KIF1B: variants seen among roughly 807,000 people sequenced by gnomAD.
KIF1B encodes the protein kinesin family member 1B.
In KIF1B, 76 loss-of-function variants were observed where a neutral mutation model predicts 241.9. The ratio of observed to expected loss-of-function variants is 0.31; its 90% CI spans 0.26 to 0.38. The LOEUF (loss-of-function observed/expected upper bound fraction) is 0.38, where lower values mean the gene tolerates loss of function less well. KIF1B is among the 10% of genes least tolerant of loss of function. The probability of loss-of-function intolerance (pLI) is 1.00; values close to 1 mark genes in which losing one functional copy is unlikely to be tolerated. For missense variants in KIF1B, 1,622 were observed against 2,271.4 expected, an observed-to-expected ratio of 0.71 and a Z score of 5.81; for synonymous variants, 750 against 796.7, an observed-to-expected ratio of 0.94 and a Z score of 0.99.
At position 10,374,305 on chromosome 1, in the gene KIF1B, C is replaced by G. The variant is rs761028018; in HGVS notation, c.4947-11C>G. The G allele has an allele frequency of 1.2e-5, 19 of 1,613,206 alleles. No homozygotes were observed. In the Admixed American group the frequency reaches 3.2e-4, roughly 27 times the overall value. ...TGTTACCCTTTTCTTTCTAATCTCT[C>G]TATTTTAAAGGACCCCAGAAGCCAA... On this transcript the variant is annotated splice_polypyrimidine_tract_variant and intron_variant, in intron 45 of 48. Coordinates refer to ENST00000676179, the MANE Select transcript of KIF1B (RefSeq NM_001365951.3). This position sits in a 1 kb window ranked among gnomAD's most constrained non-coding sequence, Gnocchi z 4.3.
intron 38 of KIF1B, among the ~76,000 whole-genome samples, chr1:10,357,580 T>G (rs1380844446): frequency 2.0e-5 from 3 of 151,712 alleles, no homozygotes; most frequent in Non-Finnish European, 4.4e-5. Flanking sequence ...AAAAAAAAAA[T>G]TAATTAGCCG....
At chr1:10,371,461 A>T (rs1254430385) in intron 45 of KIF1B, among the ~76,000 whole-genome samples, 199 bp downstream of exon 45, 2 of 152,098 alleles carry the variant, frequency 1.3e-5, no homozygotes, top group African/African-American at 4.8e-5. Context: ...TAGCTTACTA[A>T]CCTTCTGCAT....
In KIF1B at chr1:10,265,793, T is replaced by C. The variant is rs183879510; in HGVS notation, c.430-1587T>C. Among the ~76,000 whole-genome samples, 398 of 152,204 alleles carry C rather than the reference T, an allele frequency of 2.6e-3. 2 individuals are homozygous for C. Among genetic ancestry groups the C allele is most frequent in the African/African-American group, 9.2e-3 (381 of 41,536 alleles). ...TAAGCCCAGGAAGTCGAGGCTGCAG[T>C]GAGCCATGTTTGAGCCACTGCACTC... is the stretch of plus-strand genomic sequence containing the variant. On this transcript the variant is annotated intron_variant, in intron 5 of 48. Transcript: ENST00000676179.
chr1:10,344,552 T>C (rs1652520786), intron 34 of KIF1B, among the ~76,000 whole-genome samples: 1 of 152,186 alleles, frequency 6.6e-6, no homozygotes, highest in Admixed American at 6.5e-5. Context: ...CAATAGTATT[T>C]TTAATTTTGA....
chr1:10,229,048 G>A (rs1043211915), intron 1 of KIF1B, among the ~76,000 whole-genome samples: 2 of 152,104 alleles, frequency 1.3e-5, no homozygotes, highest in Admixed American at 6.6e-5. Context: ...GAGGGAACTC[G>A]GGGAGGTTGC....
At position 10,361,685 on chromosome 1, in the gene KIF1B, C is replaced by T. The variant is rs1638427521; in HGVS notation, c.4171-7C>T. The T allele has an allele frequency of 3.1e-6, 5 of 1,613,646 alleles. No homozygotes were observed. Among genetic ancestry groups the T allele is most frequent in the Non-Finnish European group, 4.2e-6 (5 of 1,180,058 alleles). On this transcript the variant is annotated splice_region_variant and splice_polypyrimidine_tract_variant and intron_variant, in intron 39 of 48. Transcript: ENST00000676179. ...ACTTCATCAGCACCTACCCTGTCTG[C>T]TTTCAGCTGGATCATTGCATCCAGC...
intron 1 of KIF1B, among the ~76,000 whole-genome samples, chr1:10,224,153 T>C (rs1646881157): frequency 6.6e-6 from 1 of 152,100 alleles, no homozygotes; most frequent in Non-Finnish European, 1.5e-5. Flanking sequence ...CTCGCTCTGT[T>C]GCCCAGGCTG....
At chr1:10,347,179 G>A (rs972811000) in intron 35 of KIF1B, among the ~76,000 whole-genome samples, 3 of 152,172 alleles carry the variant, frequency 2.0e-5, no homozygotes, top group African/African-American at 7.2e-5. Flanking sequence ...TAATATAAAG[G>A]GTAGGAGTAA....
rs557007167 is a variant in KIF1B, at chr1:10,338,767, G to A, written c.3423-1002G>A. ...TCGCTCCTCTGGCCTGTGCCGGGAA[G>A]GTATGGCTGCAGAGCACTGTGAATG... On this transcript the variant is annotated intron_variant, in intron 31 of 48. Coordinates refer to ENST00000676179, the MANE Select transcript of KIF1B (RefSeq NM_001365951.3). Among the ~76,000 whole-genome samples the A allele has an allele frequency of 2.0e-5, 3 of 152,352 alleles. No individual in the cohort carries two copies. The South Asian group carries it at 6.2e-4, about 32-fold the overall frequency.
intron 22 of KIF1B, chr1:10,304,315 C>T: frequency 6.2e-7 from 1 of 1,614,200 alleles, no homozygotes; most frequent in Non-Finnish European, 8.5e-7. Flanking sequence ...TCAGCAACAG[C>T]CACCTCAACT....
chr1:10,318,891 C>A (rs933713258), intron 22 of KIF1B, among the ~76,000 whole-genome samples: 1 of 152,064 alleles, frequency 6.6e-6, no homozygotes, highest in Non-Finnish European at 1.5e-5. Flanking sequence ...CATTTGTCCC[C>A]TATTCTCTGC....
At chr1:10,321,912 T>G in intron 24 of KIF1B, 55 bp downstream of exon 24, 1 of 1,602,272 alleles carries the variant, frequency 6.2e-7, no homozygotes. Context: ...CTGCTGTGGG[T>G]GCATCTGGGT....
intron 24 of KIF1B, 44 bp from the exon 25 acceptor site, chr1:10,323,840 G>T (rs753853632): frequency 2.0e-6 from 3 of 1,528,426 alleles, no homozygotes; most frequent in Non-Finnish European, 2.7e-6. Flanking sequence ...TCTGAAGCTT[G>T]CTTGCTGAAA....
At chr1:10,305,514 A>G (rs1650786624) in intron 22 of KIF1B, 1 of 1,060,108 alleles carries the variant, frequency 9.4e-7, no homozygotes, top group Non-Finnish European at 1.1e-6. Context: ...GAGAGGGAAG[A>G]GGTGGGACAG....
intron 1 of KIF1B, among the ~76,000 whole-genome samples, chr1:10,227,344 G>T (rs1646923499): frequency 6.6e-6 from 1 of 152,002 alleles, no homozygotes; most frequent in South Asian, 2.1e-4. Flanking sequence ...ACAAGCCCAG[G>T]GTTATAAAAC....
intron 5 of KIF1B, among the ~76,000 whole-genome samples, chr1:10,263,675 A>G (rs1648284033): frequency 6.6e-6 from 1 of 152,186 alleles, no homozygotes; most frequent in African/African-American, 2.4e-5. Flanking sequence ...GTTAAAATGA[A>G]TTTTCTGAAT....
chr1:10,298,274 A>G (rs189237177), intron 22 of KIF1B, among the ~76,000 whole-genome samples: 2 of 152,354 alleles, frequency 1.3e-5, no homozygotes, highest in Admixed American at 6.5e-5. Context: ...AAAATACAGC[A>G]TGTAAACTAC....
chr1:10,324,646 GCAA>G (rs1651655661), intron 25 of KIF1B, 109 bp from the exon 26 acceptor site: 8 of 1,235,478 alleles, frequency 6.5e-6, no homozygotes, highest in Non-Finnish European at 7.1e-6. Flanking sequence ...AACAGTGGGA[GCAA>G]CTCCTTTTTT....
At chr1:10,272,124 T>G (rs2102214193) in intron 8 of KIF1B, 117 bp from the exon 9 acceptor site, 1 of 773,000 alleles carries the variant, frequency 1.3e-6, no homozygotes, top group Non-Finnish European at 2.3e-6. Context: ...AAAGGTTGTT[T>G]TTAGAACTTG....
Sources: gnomAD v4.1 joint callset for allele counts (sites outside exome capture counted in the v4.1 genomes callset) on GRCh38, gnomAD v4.1.1 for gene constraint, Gnocchi (gnomAD v3.1) non-coding constraint, MANE v1.5 for transcripts, NCBI Gene and HGNC (gene_info 2026-07-23, HGNC 2026-07-21) for gene names.